Variants in ERCC6L2 observed in about 807,000 individuals in gnomAD.
The protein encoded by ERCC6L2 is DNA excision repair protein ERCC-6-like 2.
Under a neutral mutation model 132.0 loss-of-function variants are expected in ERCC6L2, and 77 were observed. The ratio of observed to expected loss-of-function variants is 0.58; its 90% CI spans 0.49 to 0.71. The LOEUF (loss-of-function observed/expected upper bound fraction) is 0.71, where lower values mean the gene tolerates loss of function less well. Among genes scored for constraint, ERCC6L2 ranks in the 30% least tolerant of loss-of-function variants. The pLI is 0.00. For missense variants in ERCC6L2, 1,542 were observed against 1,837.6 expected (o/e 0.84, Z 2.94); for synonymous variants, 583 against 632.4 (o/e 0.92, Z 1.17).
intron 13 of ERCC6L2, among the ~76,000 whole-genome samples, chr9:95,965,785 A>G (rs1161547210): frequency 2.0e-5 from 3 of 152,186 alleles, no homozygotes; most frequent in African/African-American, 4.8e-5. Flanking sequence ...TGCTGGGATT[A>G]CAGGCATGAG....
rs753131470 is a variant in ERCC6L2 at position 95,881,165 on chromosome 9, A to G, written c.343A>G (p.Ile115Val). ...TAAATTATCTGACAATGGAGACTCT[A>G]TTCCTTATACCATCAATAGGTATTT... ...AFKLSDNGDS[I>V]PYTINRYLRD... Residue 115 changes from isoleucine (I) to valine (V), a missense_variant, in exon 2 of 19, where the codon ATT becomes GTT. Ile to Val is a conservative substitution (Grantham distance 29). Transcript: ENST00000653738. 6.8e-6 allele frequency: 11 copies of G among 1,613,772 alleles called. No individual in the cohort carries two copies. In the South Asian group the frequency reaches 9.9e-5, roughly 15 times the overall value.
intron 11 of ERCC6L2, 27 bp from the exon 12 acceptor site, chr9:95,941,427 T>G: frequency 6.5e-7 from 1 of 1,540,156 alleles, no homozygotes; most frequent in Non-Finnish European, 8.9e-7. Flanking sequence ...TGTTCTAATG[T>G]GCTTTTTTTT....
chr9:95,949,901 G>A (rs868279342), intron 12 of ERCC6L2, among the ~76,000 whole-genome samples: 13 of 151,984 alleles, frequency 8.6e-5, no homozygotes, highest in Admixed American at 2.6e-4. Flanking sequence ...CCAGCTACTT[G>A]GGAGGCTGAG....
At chr9:95,912,271 C>T (rs1829376740) in intron 4 of ERCC6L2, among the ~76,000 whole-genome samples, 1 of 152,048 alleles carries the variant, frequency 6.6e-6, no homozygotes, top group East Asian at 1.9e-4. Context: ...TTTCTCCTGT[C>T]TTTGTTCTTG....
At position 96,034,839 on chromosome 9, in the gene ERCC6L2, A is replaced by G. The variant is rs12345164; in HGVS notation, c.*1504-4037A>G. 9.6e-3 allele frequency among the ~76,000 whole-genome samples: 1,450 copies of G among 151,802 alleles called. 32 individuals are homozygous for G. Among genetic ancestry groups the G allele is most frequent in the African/African-American group, 0.034 (1,388 of 41,312 alleles). Reference sequence around the variant, plus strand: ...CTCTGTGCTCTTGGAGGGAGCCAGGAGCAGGCAGGATCTGCCCTCCTGGAT... The same window carrying G: ...CTCTGTGCTCTTGGAGGGAGCCAGGGGCAGGCAGGATCTGCCCTCCTGGAT... On this transcript the variant is annotated intron_variant and NMD_transcript_variant, in intron 19 of 20. Transcript: ENST00000670016.
At chr9:95,962,450 A>G (rs1006793524) in intron 13 of ERCC6L2, among the ~76,000 whole-genome samples, 2 of 152,176 alleles carry the variant, frequency 1.3e-5, no homozygotes, top group Non-Finnish European at 2.9e-5. Flanking sequence ...TAAAAAACAA[A>G]GGAAACAACC....
chr9:95,928,117 A>T lies in ERCC6L2; in HGVS notation c.1572A>T (p.Arg524Ser). The T allele has an allele frequency of 6.2e-7, 1 of 1,613,018 alleles. No individual in the cohort carries two copies. The change falls in exon 10 of 19, where the codon AGA (arginine) becomes AGT (serine). Residue 524 changes from arginine to serine, a missense_variant. By Grantham distance (110) the Arg-to-Ser change is moderately radical. Around this residue, in one of 4 missense-constraint regions of ERCC6L2, gnomAD observed 945 missense variants for 1,105.2 expected, o/e 0.86. Coordinates refer to ENST00000653738, the MANE Select transcript of ERCC6L2 (RefSeq NM_020207.7). Reference sequence around the variant, plus strand: ...TTTTAAATCATTGCAGGAAAAACAGAGATAAAGTTCTTCTCTTTTCTTTTT... The same window carrying T: ...TTTTAAATCATTGCAGGAAAAACAGTGATAAAGTTCTTCTCTTTTCTTTTT... ...QQLLNHCRKN[R>S]DKVLLFSFST...
At chr9:96,039,041 G>A (rs1032898260) in exon 20 of ERCC6L2, 36 of 419,260 alleles carry the variant, frequency 8.6e-5, no homozygotes, top group African/African-American at 4.5e-4. Context: ...CCCAACACAC[G>A]CAGATGATCA....
At position 95,876,344 on chromosome 9, in the gene ERCC6L2, A is replaced by G. The variant is rs549911213; in HGVS notation, c.46+260A>G. On this transcript the variant is annotated intron_variant, in intron 1 of 18. Coordinates refer to ENST00000653738, the MANE Select transcript of ERCC6L2 (RefSeq NM_020207.7). ...AACTTTGGGCAGGCTCCTCATCTGTAAAACTGGGTTCATTACTAGGTTCTT... is the reference window on the plus strand; with the variant it reads ...AACTTTGGGCAGGCTCCTCATCTGTGAAACTGGGTTCATTACTAGGTTCTT... The G allele has an allele frequency of 3.9e-5, 17 of 431,934 alleles. No homozygotes were observed. In the East Asian group the frequency reaches 5.8e-4, roughly 15 times the overall value. 26.8% of individuals were successfully genotyped at this position (431,934 alleles called of 1,614,324 possible). A position where few individuals can be genotyped will look rare whatever the true frequency, so the allele number is the denominator to read the frequency against.
intron 11 of ERCC6L2, among the ~76,000 whole-genome samples, chr9:95,931,121 A>G (rs184514628): frequency 1.4e-3 from 216 of 152,338 alleles, no homozygotes; most frequent in Admixed American, 2.2e-3. Flanking sequence ...CAGTCTTAAC[A>G]TCAACCTCAT....
intron 17 of ERCC6L2, among the ~76,000 whole-genome samples, chr9:95,984,161 AATG>A (rs1422614344): frequency 6.7e-6 from 1 of 149,968 alleles, no homozygotes. Context: ...ATATACATAT[AATG>A]TATATATGTT....
chr9:95,951,431 G>A (rs1355636917), intron 12 of ERCC6L2, among the ~76,000 whole-genome samples: 1 of 152,142 alleles, frequency 6.6e-6, no homozygotes, highest in African/African-American at 2.4e-5. Flanking sequence ...GAGCTAGCCA[G>A]AGGAAGGAAA....
intron 7 of ERCC6L2, among the ~76,000 whole-genome samples, chr9:95,921,628 T>G (rs2132743111): frequency 6.6e-6 from 1 of 152,350 alleles, no homozygotes; most frequent in South Asian, 2.1e-4. Context: ...TTTCTCATTA[T>G]CCACTAATAG....
chr9:96,003,679 C>G (rs1245189802), intron 17 of ERCC6L2, among the ~76,000 whole-genome samples: 2 of 152,196 alleles, frequency 1.3e-5, no homozygotes, highest in Non-Finnish European at 2.9e-5. Context: ...AACTTAAGGT[C>G]CTACCCTACT....
chr9:96,026,168 C>T (rs1339620725), intron 19 of ERCC6L2, among the ~76,000 whole-genome samples: 1 of 152,204 alleles, frequency 6.6e-6, no homozygotes, highest in Non-Finnish European at 1.5e-5. Context: ...TGTGGGCAGG[C>T]AGGTCCTGGG....
rs182942034 is a variant in ERCC6L2 at position 95,880,248 on chromosome 9, A to G, written c.47-621A>G. 2.0e-3 allele frequency among the ~76,000 whole-genome samples: 312 copies of G among 152,300 alleles called. 3 individuals carry two copies. The highest frequency in any genetic ancestry group is 0.014 in the Middle Eastern group (4 of 294). ...GGTTAGCTGTATACAAGCAGTGGTT[A>G]AAGTAAAGGCTTAGAGGCAACAATA... On this transcript the variant is annotated intron_variant, in intron 1 of 18. Transcript: ENST00000653738.
chr9:95,893,971 T>G (rs1356183237), intron 2 of ERCC6L2, among the ~76,000 whole-genome samples: 2 of 152,188 alleles, frequency 1.3e-5, no homozygotes, highest in African/African-American at 4.8e-5. Flanking sequence ...AGATGCTCCT[T>G]GACTTACAGT....
chr9:95,885,088 A>G (rs1827795027), intron 2 of ERCC6L2, among the ~76,000 whole-genome samples: 2 of 152,210 alleles, frequency 1.3e-5, no homozygotes, highest in South Asian at 4.1e-4. Context: ...AATAACTACT[A>G]TCTTATAAGC....
Position 95,922,306 on chromosome 9 carries a change from C to A in ERCC6L2, c.1301C>A (p.Thr434Asn). ...TTTTCTATATTTTTCTGGTTACAGA[C>A]CAATTCTCATGGTGAAACAGTGAAA... ...GQKRRNCCYK[T>N]NSHGETVKTL... The change falls in exon 8 of 19, where the codon ACC becomes AAC. Residue 434 changes from threonine to asparagine, a missense_variant and splice_region_variant. Thr to Asn is a moderately conservative substitution (Grantham distance 65). Coordinates refer to ENST00000653738, the MANE Select transcript of ERCC6L2 (RefSeq NM_020207.7). The A allele has an allele frequency of 6.3e-7, 1 of 1,580,976 alleles. No individual in the cohort carries two copies. Among genetic ancestry groups the A allele is most frequent in the South Asian group, 1.1e-5 (1 of 89,960 alleles).
Sources: gnomAD v4.1 joint callset for allele counts (sites outside exome capture counted in the v4.1 genomes callset) on GRCh38, gnomAD v4.1.1 for gene constraint, gnomAD v4.1.1 regional missense constraint, MANE v1.5 for transcripts, NCBI Gene and HGNC (gene_info 2026-07-23, HGNC 2026-07-21) for gene names.